ACSL3: variants seen among roughly 807,000 people sequenced by gnomAD.
ACSL3 encodes fatty acid CoA ligase Acsl3.
Under a neutral mutation model 84.7 loss-of-function variants are expected in ACSL3, and 34 were observed. The ratio of observed to expected loss-of-function variants is 0.40; its 90% CI spans 0.31 to 0.53. The LOEUF (loss-of-function observed/expected upper bound fraction) is 0.53. ACSL3 is among the 20% of genes least tolerant of loss of function. ACSL3 has a pLI of 0.48. For synonymous variants in ACSL3, 315 were observed against 299.4 expected (o/e 1.05, Z -0.54); for missense variants, 680 against 873.1 (o/e 0.78, Z 2.79).
intron 8 of ACSL3, 92 bp from the exon 9 acceptor site, chr2:222,922,616 T>G (rs1045229381): frequency 6.6e-7 from 1 of 1,525,950 alleles, no homozygotes. Context: ...CCTGGGGCCC[T>G]TCCATGTGCC....
chr2:222,903,260 G>T (rs1296227593), intron 3 of ACSL3, among the ~76,000 whole-genome samples: 2 of 151,888 alleles, frequency 1.3e-5, no homozygotes, highest in Non-Finnish European at 2.9e-5. Flanking sequence ...ACTTGATTCC[G>T]CCTCTTGAGT....
chr2:222,939,096 A>G (rs533744118), intron 16 of ACSL3, among the ~76,000 whole-genome samples: 3 of 151,936 alleles, frequency 2.0e-5, no homozygotes, highest in Non-Finnish European at 4.4e-5. Flanking sequence ...TTGGTAATTC[A>G]TCTATTTCCA....
intron 4 of ACSL3, among the ~76,000 whole-genome samples, chr2:222,910,590 A>T (rs537255861): frequency 1.3e-5 from 2 of 152,260 alleles, no homozygotes; most frequent in Non-Finnish European, 2.9e-5. Flanking sequence ...AACAAATTTC[A>T]TACATCATTT....
At chr2:222,937,514 T>C (rs545915337) in intron 16 of ACSL3, among the ~76,000 whole-genome samples, 21 of 152,320 alleles carry the variant, frequency 1.4e-4, no homozygotes, top group Admixed American at 1.3e-3. Context: ...GTAATTGTTA[T>C]ATCATCCTGG....
At chr2:222,898,529 A>G (rs962044769) in intron 2 of ACSL3, among the ~76,000 whole-genome samples, 1 of 152,226 alleles carries the variant, frequency 6.6e-6, no homozygotes, top group Non-Finnish European at 1.5e-5. Context: ...ATGACCTCTA[A>G]GGTAATTCTG....
rs140270328 is a variant in ACSL3, at chr2:222,865,255, G to A, written c.-207+3997G>A. On this transcript the variant is annotated intron_variant, in intron 1 of 16. Coordinates refer to ENST00000357430, the MANE Select transcript of ACSL3 (RefSeq NM_004457.5). ...TTATTATTGGAATATGTTTATTTAC[G>A]TATTTTTGATGTTTCCCATTTTGAA... is the stretch of plus-strand genomic sequence containing the variant. Among the ~76,000 whole-genome samples the A allele has an allele frequency of 6.0e-4, 91 of 152,212 alleles. 1 individual carries two copies. The highest frequency in any genetic ancestry group is 3.1e-3 in the East Asian group (16 of 5,192).
chr2:222,883,926 G>C (rs1695659575), intron 1 of ACSL3, among the ~76,000 whole-genome samples: 1 of 151,952 alleles, frequency 6.6e-6, no homozygotes, highest in African/African-American at 2.4e-5. Context: ...TATTCCTTCT[G>C]TTAATATATA....
intron 1 of ACSL3, among the ~76,000 whole-genome samples, chr2:222,874,087 T>C (rs1051039004): frequency 6.6e-6 from 1 of 152,156 alleles, no homozygotes. Context: ...AGTGACGTGA[T>C]CTTGGCTCAC....
At chr2:222,888,156 A>G (rs1574528385) in intron 2 of ACSL3, among the ~76,000 whole-genome samples, 1 of 152,202 alleles carries the variant, frequency 6.6e-6, no homozygotes, top group East Asian at 1.9e-4. Context: ...TGGCCTCTTT[A>G]TTTTGGATAG....
In ACSL3 at chr2:222,930,634, T is replaced by C; in HGVS notation, c.1554T>C (p.Asn518=). ...LKNWEEGGYF[N]TDKPHPRGEI... Reference sequence around the variant, plus strand: ...TTATTTTATTAGGTGGATACTTTAATACTGATAAGCCACACCCCAGGGGTG... The same window carrying C: ...TTATTTTATTAGGTGGATACTTTAACACTGATAAGCCACACCCCAGGGGTG... Residue 518 remains asparagine, a synonymous_variant, in exon 14 of 17, where the codon AAT becomes AAC. Transcript: ENST00000357430. The C allele has an allele frequency of 6.2e-7, 1 of 1,610,826 alleles. No homozygotes were observed. The highest frequency in any genetic ancestry group is 8.5e-7 in the Non-Finnish European group (1 of 1,178,760).
intron 1 of ACSL3, among the ~76,000 whole-genome samples, chr2:222,873,275 T>C (rs953872301): frequency 1.3e-5 from 2 of 152,232 alleles, no homozygotes; most frequent in African/African-American, 2.4e-5. Flanking sequence ...GATTTTGGTA[T>C]TGTTCGCCTA....
In ACSL3 at chr2:222,896,546, G is replaced by A. The variant is rs1376487559; in HGVS notation, c.-147-4128G>A. 1.8e-4 allele frequency among the ~76,000 whole-genome samples: 2 copies of A among 11,388 alleles called. 1 individual carries two copies. Among genetic ancestry groups the A allele is most frequent in the African/African-American group, 1.4e-3 (2 of 1,428 alleles). The allele number at this position is 11,388 out of a possible 152,430, so 7.5% of individuals were successfully genotyped here. ...GGGGCTGACCCCCCACCTCCCTCCC[G>A]GACTGGGCGGCTGGCCGGGCGGGGG... On this transcript the variant is annotated intron_variant, in intron 2 of 16. Transcript: ENST00000357430.
chr2:222,870,042 C>T (rs1215326239), intron 1 of ACSL3, among the ~76,000 whole-genome samples: 1 of 151,448 alleles, frequency 6.6e-6, no homozygotes, highest in Non-Finnish European at 1.5e-5. Flanking sequence ...TTGTTTGTAA[C>T]CCTGCCGTTG....
Position 222,927,866 on chromosome 2 carries a change from T to A in ACSL3, c.1465+677T>A, listed in dbSNP as rs2106135740. On this transcript the variant is annotated intron_variant, in intron 12 of 16. Transcript: ENST00000357430. ...TTTCCCTATTTATTTTGAGTGGCTCTGTATACCATTTTCATGTATTACTTC... is the reference window on the plus strand; with the variant it reads ...TTTCCCTATTTATTTTGAGTGGCTCAGTATACCATTTTCATGTATTACTTC... Among the ~76,000 whole-genome samples, 3 of 152,368 alleles carry A rather than the reference T, an allele frequency of 2.0e-5. No homozygotes were observed. In the South Asian group the frequency reaches 6.2e-4, roughly 32 times the overall value.
At chr2:222,939,474 ACTGCAGCCTCTGGTTCATGTTAAT>A (rs1697250766) in intron 16 of ACSL3, among the ~76,000 whole-genome samples, 1 of 152,182 alleles carries the variant, frequency 6.6e-6, no homozygotes, top group African/African-American at 2.4e-5. Flanking sequence ...TGTCTGTGAT[ACTGCAGCCTCTGGTTCATGTTAAT>A]CTTTGTTCTT....
rs955421124 is a variant in ACSL3 at position 222,866,406 on chromosome 2, A to G, written c.-207+5148A>G. On this transcript the variant is annotated intron_variant, in intron 1 of 16. Coordinates refer to ENST00000357430, the MANE Select transcript of ACSL3 (RefSeq NM_004457.5). The stretch of plus-strand genomic sequence containing the variant: ...GTGATCCGCCCGCCTCGCCCTCCCA[A>G]AGTACTGGGATTACAGGCTGGGAGC... 5.9e-5 allele frequency among the ~76,000 whole-genome samples: 9 copies of G among 152,098 alleles called. No homozygotes were observed. In the South Asian group the frequency reaches 6.2e-4, roughly 11 times the overall value.
chr2:222,911,722 T>C (rs553251556), intron 4 of ACSL3, among the ~76,000 whole-genome samples: 2 of 152,364 alleles, frequency 1.3e-5, no homozygotes, highest in African/African-American at 4.8e-5. Flanking sequence ...TTCTTCCTAA[T>C]TCGTGTATCA....
chr2:222,938,822 CCT>C (rs1180869211), intron 16 of ACSL3, among the ~76,000 whole-genome samples: 2 of 152,028 alleles, frequency 1.3e-5, no homozygotes, highest in Non-Finnish European at 2.9e-5. Flanking sequence ...TTACATTTTT[CCT>C]CTCTTAGTAA....
At chr2:222,892,718 G>T (rs1377410130) in intron 2 of ACSL3, among the ~76,000 whole-genome samples, 1 of 152,154 alleles carries the variant, frequency 6.6e-6, no homozygotes, top group Non-Finnish European at 1.5e-5. Flanking sequence ...AGAGTATAGG[G>T]TCATTAAAAA....
Sources: allele counts gnomAD v4.1 joint callset (sites outside exome capture counted in the v4.1 genomes callset), GRCh38; gene constraint gnomAD v4.1.1; transcripts MANE v1.5; gene names NCBI Gene and HGNC (gene_info 2026-07-23, HGNC 2026-07-21).